The following RILPL1 variants were observed in gnomAD, a reference collection of about 807,000 sequenced individuals.
The protein encoded by RILPL1 is RILP-like protein 1.
A neutral mutation model predicts 50.3 loss-of-function variants in RILPL1; 33 were observed. The observed-to-expected ratio is 0.66, with a 90% CI of 0.50 to 0.88. The LOEUF is 0.88. Ranked by LOEUF, RILPL1 falls within the 40% of genes least tolerant of loss-of-function variation. The pLI is 0.00. For missense variants in RILPL1, 418 were observed against 542.5 expected, an observed-to-expected ratio of 0.77 and a Z score of 2.28; for synonymous variants, 205 against 228.6, an observed-to-expected ratio of 0.90 and a Z score of 0.93.
chr12:123,508,634 A>G (rs568586514), intron 2 of RILPL1, among the ~76,000 whole-genome samples: 1 of 152,298 alleles, frequency 6.6e-6, no homozygotes, highest in East Asian at 1.9e-4. Context: ...CTCTATCCTG[A>G]TCTGAACATA....
rs746476387 is a variant in RILPL1 at position 123,533,147 on chromosome 12, G to A, written c.309+27C>T. On this transcript the variant is annotated intron_variant, in intron 1 of 6. Coordinates refer to ENST00000376874, the MANE Select transcript of RILPL1 (RefSeq NM_178314.5). This position sits in a 1 kb window ranked among gnomAD's most constrained non-coding sequence, Gnocchi z 6.2. ...TGGGTCCCCGCGGTCCCACTGCCCG[G>A]ACGGACAGACCGAGGCCGCCGCCCA... 2.1e-5 allele frequency: 32 copies of A among 1,506,972 alleles called. No homozygotes were observed. The South Asian group carries it at 3.9e-4, about 18-fold the overall frequency. 93.4% of individuals were successfully genotyped at this position (1,506,972 alleles called of 1,614,324 possible). A position where few individuals can be genotyped will look rare whatever the true frequency, so the allele number is the denominator to read the frequency against.
At chr12:123,519,056 CAAA>C (rs71652717) in intron 2 of RILPL1, among the ~76,000 whole-genome samples, 3 of 58,466 alleles carry the variant, frequency 5.1e-5, no homozygotes, top group Non-Finnish European at 5.9e-5. Context: ...GACTCCATCT[CAAA>C]AAAAAAAAAA....
chr12:123,484,386 C>A, intron 5 of RILPL1, 114 bp from the exon 6 acceptor site: 1 of 745,998 alleles, frequency 1.3e-6, no homozygotes, highest in South Asian at 1.5e-5. Context: ...TTAGGGGACC[C>A]GCATCTGTAT....
At chr12:123,487,584 G>C (rs1882427784) in intron 4 of RILPL1, among the ~76,000 whole-genome samples, 1 of 152,218 alleles carries the variant, frequency 6.6e-6, no homozygotes, top group Admixed American at 6.5e-5. Context: ...TGGGATTACA[G>C]GGGTGGGCCA....
At chr12:123,486,974 T>C (rs893419049) in intron 4 of RILPL1, among the ~76,000 whole-genome samples, 6 of 152,140 alleles carry the variant, frequency 3.9e-5, no homozygotes, top group Admixed American at 3.9e-4. Context: ...AATTTTTGTA[T>C]TTTTAGTAGA....
chr12:123,490,356 C>T (rs1783230022), intron 4 of RILPL1, among the ~76,000 whole-genome samples: 1 of 152,122 alleles, frequency 6.6e-6, no homozygotes, highest in Admixed American at 6.6e-5. Context: ...GAAATATTTC[C>T]AAGGGCCCTT....
intron 4 of RILPL1, among the ~76,000 whole-genome samples, chr12:123,497,024 C>A (rs769281631): frequency 1.3e-5 from 2 of 152,232 alleles, no homozygotes; most frequent in Non-Finnish European, 2.9e-5. Flanking sequence ...TGGGACATTT[C>A]GTGCAAATGG....
Position 123,525,717 on chromosome 12 carries a change from A to G in RILPL1, c.310-2072T>C, listed in dbSNP as rs4523777. On this transcript the variant is annotated intron_variant, in intron 1 of 6. Coordinates refer to ENST00000376874, the MANE Select transcript of RILPL1 (RefSeq NM_178314.5). ...CACTGTCTCAAAAAAAAAAAAAAAA[A>G]AAAAAAAGAAACAAATGGGGTATTG... 2.0e-3 allele frequency among the ~76,000 whole-genome samples: 269 copies of G among 133,394 alleles called. 21 individuals carry two copies. Among genetic ancestry groups the G allele is most frequent in the East Asian group, 0.018 (83 of 4,550 alleles). 87.5% of individuals were successfully genotyped at this position (133,394 alleles called of 152,430 possible).
chr12:123,484,784 G>A, intron 5 of RILPL1: 1 of 230,228 alleles, frequency 4.3e-6, no homozygotes, highest in Non-Finnish European at 8.8e-6. Context: ...AGCCTCCCAA[G>A]TGGCTGGGAC....
chr12:123,511,653 CTGTA>C (rs1274300643), intron 2 of RILPL1, among the ~76,000 whole-genome samples: 4 of 84,220 alleles, frequency 4.7e-5, no homozygotes, highest in African/African-American at 9.7e-5. Context: ...TGTGTGAGAT[CTGTA>C]TGTGTGAGGT....
At chr12:123,495,371 A>C (rs1882957402) in intron 4 of RILPL1, among the ~76,000 whole-genome samples, 1 of 146,424 alleles carries the variant, frequency 6.8e-6, no homozygotes. Context: ...TTTCCCTCTT[A>C]AACATTTTTT....
At chr12:123,481,909 C>T (rs1039873638) in intron 6 of RILPL1, among the ~76,000 whole-genome samples, 6 of 151,152 alleles carry the variant, frequency 4.0e-5, no homozygotes, top group South Asian at 4.2e-4. Context: ...CTCGCTCTGT[C>T]GCTCAGAGGC....
chr12:123,510,956 ATGTGTGAGGTCTG>A (rs534003559), intron 2 of RILPL1, among the ~76,000 whole-genome samples: 898 of 39,788 alleles, frequency 0.023, 15 homozygotes, highest in African/African-American at 0.077. Flanking sequence ...TGTGTATGTG[ATGTGTGAGGTCTG>A]TGTGTGTGTG....
In RILPL1 at chr12:123,489,785, C is replaced by T. The variant is rs1462577816; in HGVS notation, c.802-3980G>A. ...TCTTGACGAATATGTAGGAGTTCACCAGGAACTCTGGGCATTAGTAGTATA... is the reference window on the plus strand; with the variant it reads ...TCTTGACGAATATGTAGGAGTTCACTAGGAACTCTGGGCATTAGTAGTATA... On this transcript the variant is annotated intron_variant, in intron 4 of 6. Transcript: ENST00000376874. This position sits in a 1 kb window ranked among gnomAD's most constrained non-coding sequence, Gnocchi z 4.0. 2.0e-5 allele frequency among the ~76,000 whole-genome samples: 3 copies of T among 152,002 alleles called. No individual in the cohort carries two copies. Among genetic ancestry groups the T allele is most frequent in the Admixed American group, 6.6e-5 (1 of 15,248 alleles).
At position 123,489,051 on chromosome 12, in the gene RILPL1, G is replaced by A. The variant is rs945659853; in HGVS notation, c.802-3246C>T. ...CACATACAACAGGTGACGGATATGC[G>A]GCCGGCATTCAATCGCGCCAGTTCT... On this transcript the variant is annotated intron_variant, in intron 4 of 6. Transcript: ENST00000376874. This position sits in a 1 kb window ranked among gnomAD's most constrained non-coding sequence, Gnocchi z 4.0. Among the ~76,000 whole-genome samples, 1 of 152,038 alleles carries A rather than the reference G, an allele frequency of 6.6e-6. No individual in the cohort carries two copies. Among genetic ancestry groups the A allele is most frequent in the Non-Finnish European group, 1.5e-5 (1 of 68,028 alleles).
chr12:123,500,181 C>T lies in RILPL1; in HGVS notation c.461-645G>A, dbSNP rs1011166995. 3.3e-5 allele frequency among the ~76,000 whole-genome samples: 5 copies of T among 152,000 alleles called. No homozygotes were observed. In the South Asian group the frequency reaches 6.2e-4, roughly 19 times the overall value. On this transcript the variant is annotated intron_variant, in intron 2 of 6. Coordinates refer to ENST00000376874, the MANE Select transcript of RILPL1 (RefSeq NM_178314.5). ...TCCTGACCTCGTGATCCGCCCGCCT[C>T]GGCCTCCCAAAGTGCTGGGGTTACA...
chr12:123,475,688 T>C, intron 6 of RILPL1: 2 of 1,593,520 alleles, frequency 1.3e-6, no homozygotes, highest in Non-Finnish European at 1.7e-6. Context: ...TCGGACAGGC[T>C]GCAGTGTGGG....
intron 2 of RILPL1, among the ~76,000 whole-genome samples, chr12:123,511,659 G>T (rs1331968571): frequency 6.9e-6 from 1 of 144,858 alleles, no homozygotes; most frequent in Non-Finnish European, 1.5e-5. Context: ...AGATCTGTAT[G>T]TGTGAGGTCT....
At chr12:123,516,033 CAAAAAAAAAAAAAA>C (rs749657516) in intron 2 of RILPL1, among the ~76,000 whole-genome samples, 2 of 36,174 alleles carry the variant, frequency 5.5e-5, no homozygotes, top group African/African-American at 9.3e-5. Flanking sequence ...GACTCTGTCT[CAAAAAAAAAAAAAA>C]AAAAAAAAAA....
Sources: allele counts gnomAD v4.1 joint callset (sites outside exome capture counted in the v4.1 genomes callset), GRCh38; gene constraint gnomAD v4.1.1; non-coding constraint Gnocchi (gnomAD v3.1); transcripts MANE v1.5; gene names NCBI Gene and HGNC (gene_info 2026-07-23, HGNC 2026-07-21).